The following ZNF586 variants were observed in gnomAD, a reference collection of about 807,000 sequenced individuals.
ZNF586 encodes the protein zinc finger protein 586.
A neutral mutation model predicts 6.7 loss-of-function variants in ZNF586; 7 were observed. The observed-to-expected ratio is 1.04, with a 90% CI of 0.59 to 1.95. The LOEUF (loss-of-function observed/expected upper bound fraction) is 1.95, where lower values mean the gene tolerates loss of function less well. Ranked by LOEUF, ZNF586 falls within the 30% of genes most tolerant of loss-of-function variation. The probability of loss-of-function intolerance (pLI) is 0.00; values close to 1 mark genes in which losing one functional copy is unlikely to be tolerated. For missense variants in ZNF586, 442 were observed against 489.6 expected (o/e 0.90, Z 0.92); for synonymous variants, 166 against 168.7 (o/e 0.98, Z 0.12).
intron 1 of ZNF586, among the ~76,000 whole-genome samples, chr19:57,773,959 T>A (rs1987158934): frequency 6.6e-6 from 1 of 152,166 alleles, no homozygotes; most frequent in African/African-American, 2.4e-5. Context: ...CTCACACCTG[T>A]GATCCCAGCA....
In ZNF586 at chr19:57,780,387, C is replaced by G. The variant is rs1287685280; in HGVS notation, c.*591C>G. 1 of 152,408 alleles carries G rather than the reference C, an allele frequency of 6.6e-6. No homozygotes were observed. The highest frequency in any genetic ancestry group is 2.4e-5 in the African/African-American group (1 of 41,412). 9.4% of individuals were successfully genotyped at this position (152,408 alleles called of 1,614,324 possible). On this transcript the variant is annotated 3_prime_UTR_variant, in exon 3 of 3. Transcript: ENST00000396154. ...ATTTCTTTCTCTCCAATGAGTTAGG[C>G]CATGAACCTGACTCATTTTTGGCAC...
intron 1 of ZNF586, among the ~76,000 whole-genome samples, chr19:57,773,733 C>A (rs1198608062): frequency 6.6e-6 from 1 of 152,242 alleles, no homozygotes; most frequent in African/African-American, 2.4e-5. Flanking sequence ...AGATGACACT[C>A]AGGCTGGAGC....
intron 2 of ZNF586, 75 bp downstream of exon 2, chr19:57,776,744 C>A: frequency 6.8e-7 from 1 of 1,464,906 alleles, no homozygotes; most frequent in Non-Finnish European, 9.1e-7. Flanking sequence ...CTTTCTCACA[C>A]CAGGACCATG....
intron 2 of ZNF586, among the ~76,000 whole-genome samples, chr19:57,778,048 G>A (rs889450722): frequency 1.1e-4 from 16 of 149,362 alleles, no homozygotes; most frequent in African/African-American, 3.5e-4. Context: ...GAGCCACCGC[G>A]CCCAGCCTCT....
intron 2 of ZNF586, among the ~76,000 whole-genome samples, chr19:57,777,385 G>T (rs1295890018): frequency 6.6e-6 from 1 of 152,058 alleles, no homozygotes; most frequent in East Asian, 1.9e-4. Context: ...AGAGCCCGTG[G>T]TTGTCCCTAA....
Position 57,779,928 on chromosome 19 carries a change from A to C in ZNF586, c.*132A>C. ...GCTAGAATGCTAGCTTCTTTACATA[A>C]AAGAGTGCTCCCACTGAAGAAGTGC... On this transcript the variant is annotated 3_prime_UTR_variant, in exon 3 of 3. Transcript: ENST00000396154. 2.5e-6 allele frequency: 2 copies of C among 802,934 alleles called. No homozygotes were observed. The highest frequency in any genetic ancestry group is 3.8e-6 in the Non-Finnish European group (2 of 521,320). 49.7% of individuals were successfully genotyped at this position (802,934 alleles called of 1,614,324 possible).
chr19:57,774,756 AT>A, intron 1 of ZNF586: 1 of 985,168 alleles, frequency 1.0e-6, no homozygotes, highest in Middle Eastern at 5.2e-4. Flanking sequence ...TTCCTTTTTA[AT>A]TTACCAAGAC....
chr19:57,776,138 G>A (rs1987230798), intron 1 of ZNF586, among the ~76,000 whole-genome samples: 1 of 152,196 alleles, frequency 6.6e-6, no homozygotes, highest in Non-Finnish European at 1.5e-5. Context: ...GGCCTATAGT[G>A]TGGGCAGTTA....
rs1479284214 is a variant in ZNF586 at position 57,780,510 on chromosome 19, T to C, written c.*714T>C. On this transcript the variant is annotated 3_prime_UTR_variant, in exon 3 of 3. Coordinates refer to ENST00000396154, the MANE Select transcript of ZNF586 (RefSeq NM_017652.4). ...AAGATGGAATTTTCCAGCCTGCCAGTCATGAATCTCAGACAGCCTGCCACC... is the reference window on the plus strand; with the variant it reads ...AAGATGGAATTTTCCAGCCTGCCAGCCATGAATCTCAGACAGCCTGCCACC... 1 of 152,178 alleles carries C rather than the reference T, an allele frequency of 6.6e-6. No individual in the cohort carries two copies. Among genetic ancestry groups the C allele is most frequent in the East Asian group, 1.9e-4 (1 of 5,196 alleles). 9.4% of individuals were successfully genotyped at this position (152,178 alleles called of 1,614,324 possible). A position where few individuals can be genotyped will look rare whatever the true frequency, so the allele number is the denominator to read the frequency against.
chr19:57,773,937 C>T (rs1025954458), intron 1 of ZNF586, among the ~76,000 whole-genome samples: 5 of 152,232 alleles, frequency 3.3e-5, no homozygotes, highest in Non-Finnish European at 2.9e-5. Context: ...TCATAGTTGC[C>T]GGGCATAGTG....
At position 57,778,800 on chromosome 19, in the gene ZNF586, G is replaced by A. The variant is rs1045289802; in HGVS notation, c.213G>A (p.Thr71=). Residue 71 remains threonine, a synonymous_variant, in exon 3 of 3, where the codon ACG becomes ACA. Coordinates refer to ENST00000396154, the MANE Select transcript of ZNF586 (RefSeq NM_017652.4). The part of the protein sequence containing the change: ...EDEAAPSKQS[T]CIHIYKDQGG... ...AGGCAGCACCTTCTAAGCAGAGCAC[G>A]TGTATACATATATACAAAGACCAGG... is the stretch of plus-strand genomic sequence containing the variant. 8 of 1,614,054 alleles carry A rather than the reference G, an allele frequency of 5.0e-6. No individual in the cohort carries two copies. The highest frequency in any genetic ancestry group is 5.1e-6 in the Non-Finnish European group (6 of 1,179,984).
intron 1 of ZNF586, among the ~76,000 whole-genome samples, chr19:57,775,761 C>A (rs1335718200): frequency 1.3e-5 from 2 of 152,104 alleles, no homozygotes; most frequent in Non-Finnish European, 2.9e-5. Context: ...TGCCACCATA[C>A]CCAGCCAATT....
chr19:57,775,952 G>A (rs572907779), intron 1 of ZNF586, among the ~76,000 whole-genome samples: 1 of 152,302 alleles, frequency 6.6e-6, no homozygotes, highest in South Asian at 2.1e-4. Context: ...GTGGTGAGTG[G>A]TGTCCTCTTC....
chr19:57,769,897 G>T lies in ZNF586; in HGVS notation c.36+19G>T. 1 of 1,531,404 alleles carries T rather than the reference G, an allele frequency of 6.5e-7. No individual in the cohort carries two copies. The highest frequency in any genetic ancestry group is 8.8e-7 in the Non-Finnish European group (1 of 1,137,588). 94.9% of individuals were successfully genotyped at this position (1,531,404 alleles called of 1,614,324 possible). A position where few individuals can be genotyped will look rare whatever the true frequency, so the allele number is the denominator to read the frequency against. On this transcript the variant is annotated intron_variant, in intron 1 of 2. Coordinates refer to ENST00000396154, the MANE Select transcript of ZNF586 (RefSeq NM_017652.4). The stretch of plus-strand genomic sequence containing the variant: ...TGCTCAGGTGAGCGCTGCGACCTCC[G>T]GGCCTTACCCACCCTACCCACCCAG...
chr19:57,780,374 C>T lies in ZNF586; in HGVS notation c.*578C>T, dbSNP rs1213439948. On this transcript the variant is annotated 3_prime_UTR_variant, in exon 3 of 3. Transcript: ENST00000396154. Reference sequence around the variant, plus strand: ...TCATTCTATTCTCATTTCTTTCTCTCCAATGAGTTAGGCCATGAACCTGAC... The same window carrying T: ...TCATTCTATTCTCATTTCTTTCTCTTCAATGAGTTAGGCCATGAACCTGAC... The T allele has an allele frequency of 1.3e-5, 2 of 152,888 alleles. No homozygotes were observed. Among genetic ancestry groups the T allele is most frequent in the Non-Finnish European group, 1.5e-5 (1 of 68,552 alleles). 9.5% of individuals were successfully genotyped at this position (152,888 alleles called of 1,614,324 possible).
In ZNF586 at chr19:57,779,104, A is replaced by G. The variant is rs1987312799; in HGVS notation, c.517A>G (p.Thr173Ala). 1 of 1,614,216 alleles carries G rather than the reference A, an allele frequency of 6.2e-7. No homozygotes were observed. The highest frequency in any genetic ancestry group is 1.3e-5 in the African/African-American group (1 of 75,050). The change falls in exon 3 of 3, where the codon ACT becomes GCT. Residue 173 changes from threonine (T) to alanine (A), a missense_variant. By Grantham distance (58) the Thr-to-Ala change is moderately conservative. Coordinates refer to ENST00000396154, the MANE Select transcript of ZNF586 (RefSeq NM_017652.4). ...ACTCTTGCAGCGTCAGACACTTCAC[A>G]CTAGAGAAAGGCCTTATGAGTGTAT... Reference protein sequence around the residue: ...SSLLQRQTLHTRERPYECIEC... With the variant: ...SSLLQRQTLHARERPYECIEC...
At chr19:57,776,853 C>T (rs1231133446) in intron 2 of ZNF586, among the ~76,000 whole-genome samples, 184 bp downstream of exon 2, 1 of 152,140 alleles carries the variant, frequency 6.6e-6, no homozygotes, top group East Asian at 1.9e-4. Context: ...CCCCAACCTG[C>T]TTTGTTGCAG....
intron 1 of ZNF586, among the ~76,000 whole-genome samples, chr19:57,772,052 G>C (rs575297038): frequency 2.0e-5 from 3 of 152,280 alleles, no homozygotes; most frequent in Admixed American, 2.0e-4. Flanking sequence ...TCGAACTCCT[G>C]ACCTCGTGAT....
rs144327022 is a variant in ZNF586, at chr19:57,772,934, G to A, written c.36+3056G>A. Among the ~76,000 whole-genome samples, 688 of 152,092 alleles carry A rather than the reference G, an allele frequency of 4.5e-3. 7 individuals carry two copies. The highest frequency in any genetic ancestry group is 0.016 in the African/African-American group (658 of 41,468). ...CTGACATAGTCTCTTTTCCCTGACC[G>A]GTCTCCATTCTGAAGTTATCTAGGG... On this transcript the variant is annotated intron_variant, in intron 1 of 2. Transcript: ENST00000396154.
Sources: gnomAD v4.1 joint callset for allele counts (sites outside exome capture counted in the v4.1 genomes callset) on GRCh38, gnomAD v4.1.1 for gene constraint, MANE v1.5 for transcripts, NCBI Gene and HGNC (gene_info 2026-07-23, HGNC 2026-07-21) for gene names.